PLCB4: variants seen among roughly 807,000 people sequenced by gnomAD.
PLCB4 encodes the protein 1-phosphatidylinositol 4,5-bisphosphate phosphodiesterase beta-4.
A neutral mutation model predicts 178.8 loss-of-function variants in PLCB4; 77 were observed. The ratio of observed to expected loss-of-function variants is 0.43; its 90% CI spans 0.36 to 0.52. The LOEUF is 0.52. Ranked by LOEUF, PLCB4 falls within the 20% of genes least tolerant of loss-of-function variation. The pLI is 0.00. For synonymous variants in PLCB4, 496 were observed against 490.8 expected, an observed-to-expected ratio of 1.01 and a Z score of -0.14; for missense variants, 1,024 against 1,453.4, an observed-to-expected ratio of 0.70 and a Z score of 4.80.
chr20:9,300,027 A>G (rs1208718417), intron 3 of PLCB4, among the ~76,000 whole-genome samples: 1 of 152,112 alleles, frequency 6.6e-6, no homozygotes, highest in Admixed American at 6.6e-5. Flanking sequence ...TAATGATACA[A>G]TATATTAATG....
At chr20:9,109,027 C>T (rs113231282) in intron 2 of PLCB4, among the ~76,000 whole-genome samples, 3 of 151,010 alleles carry the variant, frequency 2.0e-5, no homozygotes, top group Non-Finnish European at 4.4e-5. Context: ...TGCCCCCCAC[C>T]AAAAAAAAGT....
chr20:9,438,072 G>T (rs1330082086), intron 30 of PLCB4, among the ~76,000 whole-genome samples: 1 of 152,102 alleles, frequency 6.6e-6, no homozygotes, highest in South Asian at 2.1e-4. Flanking sequence ...ATAGAAATAA[G>T]TTGGCAGCTT....
chr20:9,456,184 G>A (rs992758330), intron 33 of PLCB4, among the ~76,000 whole-genome samples: 1 of 152,108 alleles, frequency 6.6e-6, no homozygotes, highest in African/African-American at 2.4e-5. Context: ...TAGTGAAAGG[G>A]GAAACTGTGA....
intron 3 of PLCB4, among the ~76,000 whole-genome samples, chr20:9,288,336 A>G (rs998807296): frequency 2.6e-5 from 4 of 151,580 alleles, no homozygotes; most frequent in Non-Finnish European, 5.9e-5. Flanking sequence ...TTAGCTTATT[A>G]AGGTTGGAGT....
chr20:9,247,370 T>C (rs2094136444), intron 3 of PLCB4, among the ~76,000 whole-genome samples: 1 of 152,212 alleles, frequency 6.6e-6, no homozygotes, highest in Admixed American at 6.5e-5. Flanking sequence ...TTGAGTAGTT[T>C]ATGAAGTTAT....
At chr20:9,377,976 A>T (rs1044434187) in intron 12 of PLCB4, among the ~76,000 whole-genome samples, 1 of 152,180 alleles carries the variant, frequency 6.6e-6, no homozygotes, top group East Asian at 1.9e-4. Flanking sequence ...GATTCAGTAG[A>T]TCTAGGGAGG....
chr20:9,421,536 T>C (rs2148569488), intron 27 of PLCB4, 75 bp downstream of exon 27: 1 of 1,145,436 alleles, frequency 8.7e-7, no homozygotes, highest in Non-Finnish European at 1.3e-6. Flanking sequence ...CGCTACACGA[T>C]ACAGGGGCAC....
At chr20:9,257,523 C>G (rs1218846321) in intron 3 of PLCB4, among the ~76,000 whole-genome samples, 1 of 152,158 alleles carries the variant, frequency 6.6e-6, no homozygotes, top group Non-Finnish European at 1.5e-5. Context: ...ATTCTGAAAA[C>G]TGCAGTAAGA....
At chr20:9,205,674 TC>T (rs2093606789) in intron 2 of PLCB4, among the ~76,000 whole-genome samples, 1 of 152,202 alleles carries the variant, frequency 6.6e-6, no homozygotes, top group South Asian at 2.1e-4. Flanking sequence ...TGTTTTTAGT[TC>T]TATGCAATTT....
chr20:9,124,837 T>G (rs1913359629), intron 2 of PLCB4, among the ~76,000 whole-genome samples: 1 of 152,192 alleles, frequency 6.6e-6, no homozygotes, highest in Non-Finnish European at 1.5e-5. Flanking sequence ...GAACTTTGTT[T>G]TGCAGTGTTA....
chr20:9,371,360 G>A, intron 10 of PLCB4, 65 bp downstream of exon 10: 1 of 830,838 alleles, frequency 1.2e-6, no homozygotes, highest in Non-Finnish European at 2.0e-6. Context: ...CATATGTAAT[G>A]AGCTAGATTA....
At chr20:9,123,376 C>G (rs1482873462) in intron 2 of PLCB4, among the ~76,000 whole-genome samples, 1 of 150,260 alleles carries the variant, frequency 6.7e-6, no homozygotes, top group Non-Finnish European at 1.5e-5. Flanking sequence ...TTGAATGTGC[C>G]AATTCTAAAT....
chr20:9,386,814 C>G (rs1457292519), intron 14 of PLCB4, among the ~76,000 whole-genome samples: 3 of 110,748 alleles, frequency 2.7e-5, no homozygotes, highest in African/African-American at 3.4e-5. Context: ...CCCCCCTCCC[C>G]CCACCCCACA....
At chr20:9,382,962 TCCATCAA>T (rs551919631) in intron 13 of PLCB4, among the ~76,000 whole-genome samples, 119 of 152,236 alleles carry the variant, frequency 7.8e-4, no homozygotes, top group African/African-American at 2.8e-3. Context: ...GACCTAACTA[TCCATCAA>T]CCAAATAATG....
In PLCB4 at chr20:9,184,150, T is replaced by C. The variant is rs1310297856; in HGVS notation, c.-78-33240T>C. Among the ~76,000 whole-genome samples the C allele has an allele frequency of 4.6e-5, 7 of 152,180 alleles. No individual in the cohort carries two copies. The South Asian group carries it at 1.5e-3, about 32-fold the overall frequency. On this transcript the variant is annotated intron_variant, in intron 2 of 39. Transcript: ENST00000378473. ...GGTAGAAGGCATCCTATTTCCTACA[T>C]TGACTTCAACCCCCACCACCTTCTG...
rs1455506645 is a variant in PLCB4 at position 9,384,226 on chromosome 20, C to T, written c.879C>T (p.Cys293=). The T allele has an allele frequency of 1.9e-6, 3 of 1,613,692 alleles. No homozygotes were observed. Among genetic ancestry groups the T allele is most frequent in the African/African-American group, 1.3e-5 (1 of 74,906 alleles). Residue 293 remains cysteine, a synonymous_variant, in exon 14 of 40, where the codon TGC becomes TGT. Coordinates refer to ENST00000378473, the MANE Select transcript of PLCB4 (RefSeq NM_001377142.1). ...KKGLISSDGF[C]RYLMSDENAP... ...GCCTTATATCAAGTGATGGGTTTTG[C>T]AGATATCTGATGTCAGATGAAAACG...
intron 4 of PLCB4, among the ~76,000 whole-genome samples, chr20:9,321,952 C>CTTTT (rs746419205): frequency 0.028 from 3,867 of 140,026 alleles, 246 homozygotes; most frequent in East Asian, 0.26. Context: ...TTTTCTTTTT[C>CTTTT]TTTTTTTTTT....
chr20:9,474,764 CT>C (rs1473094517), intron 38 of PLCB4, among the ~76,000 whole-genome samples: 4 of 152,244 alleles, frequency 2.6e-5, no homozygotes, highest in Admixed American at 2.0e-4. Context: ...AGATTCTTTA[CT>C]TTTTGGTGGA....
chr20:9,268,875 G>A (rs1206997498), intron 3 of PLCB4, among the ~76,000 whole-genome samples: 1 of 152,122 alleles, frequency 6.6e-6, no homozygotes, highest in African/African-American at 2.4e-5. Flanking sequence ...CTAATGAGAA[G>A]GTATTTTTAG....
Sources: gnomAD v4.1 joint callset for allele counts (sites outside exome capture counted in the v4.1 genomes callset) on GRCh38, gnomAD v4.1.1 for gene constraint, MANE v1.5 for transcripts, NCBI Gene and HGNC (gene_info 2026-07-23, HGNC 2026-07-21) for gene names.